BCL2: variants seen among roughly 807,000 people sequenced by gnomAD.
BCL2 encodes the protein BCL2 apoptosis regulator, also known as apoptosis regulator Bcl-2.
Under a neutral mutation model 14.2 loss-of-function variants are expected in BCL2, and 1 was observed. The ratio of observed to expected loss-of-function variants is 0.07; its 90% CI spans 0.02 to 0.33. BCL2 has a LOEUF of 0.33. BCL2 is among the 10% of genes least tolerant of loss of function. BCL2 has a pLI of 0.99. For synonymous variants in BCL2, 151 were observed against 137.2 expected (o/e 1.10, Z -0.70); for missense variants, 247 against 305.9 (o/e 0.81, Z 1.44).
chr18:63,189,189 T>TAAAAAAAAAA (rs34498028), intron 2 of BCL2, among the ~76,000 whole-genome samples: 1 of 135,366 alleles, frequency 7.4e-6, no homozygotes, highest in Non-Finnish European at 1.6e-5. Context: ...TAACAGCATA[T>TAAAAAAAAAA]AAAAAAAAAA....
intron 2 of BCL2, among the ~76,000 whole-genome samples, chr18:63,228,833 C>T (rs1031602999): frequency 2.0e-5 from 3 of 152,140 alleles, no homozygotes; most frequent in Admixed American, 1.3e-4. Context: ...CTCAGCCTCT[C>T]GAGTAGCTGG....
At chr18:63,243,393 A>G (rs1381850419) in intron 2 of BCL2, among the ~76,000 whole-genome samples, 1 of 152,208 alleles carries the variant, frequency 6.6e-6, no homozygotes, top group East Asian at 1.9e-4. Context: ...GGAGAGGATC[A>G]GGAAAAATAA....
At chr18:63,268,570 G>C (rs897251670) in intron 2 of BCL2, among the ~76,000 whole-genome samples, 3 of 152,018 alleles carry the variant, frequency 2.0e-5, no homozygotes, top group Non-Finnish European at 2.9e-5. Context: ...CCTCCTTCTG[G>C]CTCTAAAATT....
In BCL2 at chr18:63,295,224, A is replaced by G. The variant is rs116373111; in HGVS notation, c.585+22858T>C. 5.8e-3 allele frequency among the ~76,000 whole-genome samples: 887 copies of G among 151,800 alleles called. 11 individuals carry two copies. Among genetic ancestry groups the G allele is most frequent in the African/African-American group, 0.021 (865 of 41,410 alleles). ...ATTATAATTCATAGAAAGTGTAGGGACAAGGAGAACAGAGAGAACCAAGAA... is the reference window on the plus strand; with the variant it reads ...ATTATAATTCATAGAAAGTGTAGGGGCAAGGAGAACAGAGAGAACCAAGAA... On this transcript the variant is annotated intron_variant, in intron 2 of 2. Transcript: ENST00000333681.
Position 63,186,546 on chromosome 18 carries a change from G to A in BCL2, c.586-57787C>T, listed in dbSNP as rs145512783. The stretch of plus-strand genomic sequence containing the variant: ...GGCCTTTCTTTACAATTCCACTTAT[G>A]GCTGACCTTGAACCAGAATAGGTCT... On this transcript the variant is annotated intron_variant, in intron 2 of 2. Coordinates refer to ENST00000333681, the MANE Select transcript of BCL2 (RefSeq NM_000633.3). Among the ~76,000 whole-genome samples, 100 of 152,226 alleles carry A rather than the reference G, an allele frequency of 6.6e-4. 1 individual carries two copies. Among genetic ancestry groups the A allele is most frequent in the Non-Finnish European group, 1.3e-3 (86 of 68,010 alleles).
chr18:63,147,848 G>A (rs1023071543), intron 2 of BCL2, among the ~76,000 whole-genome samples: 2 of 152,062 alleles, frequency 1.3e-5, no homozygotes, highest in Non-Finnish European at 2.9e-5. Flanking sequence ...TATTCCTCGG[G>A]CAATGGAACC....
At chr18:63,196,921 C>T (rs181365300) in intron 2 of BCL2, among the ~76,000 whole-genome samples, 58 of 152,254 alleles carry the variant, frequency 3.8e-4, no homozygotes, top group African/African-American at 1.3e-3. Flanking sequence ...TCCCTCTAAC[C>T]ATGAATATGC....
intron 2 of BCL2, among the ~76,000 whole-genome samples, chr18:63,234,186 T>C (rs1395069246): frequency 6.6e-6 from 1 of 152,148 alleles, no homozygotes; most frequent in African/African-American, 2.4e-5. Context: ...TATCAACCCA[T>C]CACCTAGGTA....
intron 2 of BCL2, among the ~76,000 whole-genome samples, chr18:63,194,374 T>A (rs1909381901): frequency 6.6e-6 from 1 of 151,358 alleles, no homozygotes; most frequent in South Asian, 2.1e-4. Context: ...CACTCTATTG[T>A]CCAGGCTGGA....
rs1054609800 is a variant in BCL2, at chr18:63,286,928, C to G, written c.585+31154G>C. Among the ~76,000 whole-genome samples the G allele has an allele frequency of 2.0e-5, 3 of 152,146 alleles. No homozygotes were observed. The South Asian group carries it at 6.2e-4, about 32-fold the overall frequency. The stretch of plus-strand genomic sequence containing the variant: ...CATTCAAAAGACACCTCCTACAACA[C>G]GGGTCTGAACTACAGGTCTCCCGAG... On this transcript the variant is annotated intron_variant, in intron 2 of 2. Transcript: ENST00000333681.
chr18:63,265,306 C>T (rs1217634824), intron 2 of BCL2, among the ~76,000 whole-genome samples: 2 of 152,172 alleles, frequency 1.3e-5, no homozygotes, highest in Non-Finnish European at 2.9e-5. Context: ...ACAATAAAAA[C>T]AGCTATCAGT....
chr18:63,318,070 A>C lies in BCL2; in HGVS notation c.585+12T>G. On this transcript the variant is annotated intron_variant, in intron 2 of 2. Coordinates refer to ENST00000333681, the MANE Select transcript of BCL2 (RefSeq NM_000633.3). The surrounding 1 kb of genome is among the most constrained non-coding windows in gnomAD (Gnocchi z 7.4). ...GGCCTCAGCCCAGACTCACATCACCAAGTGCACCTACCCAGCCTCCGTTAT... is the reference window on the plus strand; with the variant it reads ...GGCCTCAGCCCAGACTCACATCACCCAGTGCACCTACCCAGCCTCCGTTAT... 6.2e-7 allele frequency: 1 copy of C among 1,613,322 alleles called. No homozygotes were observed. Among genetic ancestry groups the C allele is most frequent in the Non-Finnish European group, 8.5e-7 (1 of 1,179,712 alleles).
chr18:63,181,879 C>T (rs367927893), intron 2 of BCL2, among the ~76,000 whole-genome samples: 5 of 152,224 alleles, frequency 3.3e-5, no homozygotes, highest in East Asian at 3.9e-4. Context: ...GCCCTGCCTC[C>T]TCTTCTGAGC....
chr18:63,172,049 C>A (rs1363951703), intron 2 of BCL2, among the ~76,000 whole-genome samples: 5 of 152,170 alleles, frequency 3.3e-5, no homozygotes, highest in African/African-American at 4.8e-5. Flanking sequence ...TGTTATATAT[C>A]AGAGTTAGAT....
At chr18:63,211,612 CG>C (rs1002750280) in intron 2 of BCL2, among the ~76,000 whole-genome samples, 2 of 152,116 alleles carry the variant, frequency 1.3e-5, no homozygotes, top group Admixed American at 6.6e-5. Context: ...GGTGCATGGG[CG>C]GGGGGCTCTG....
Position 63,128,762 on chromosome 18 carries a change from G to A in BCL2, c.586-3C>T. ...CCGTACAGTTCCACAAAGGCATCCT[G>A]CAGTTGGGGGAGAGGAGGGAAGAAA... On this transcript the variant is annotated splice_polypyrimidine_tract_variant and splice_region_variant and intron_variant, in intron 2 of 2. Transcript: ENST00000333681. The A allele has an allele frequency of 1.3e-6, 1 of 779,746 alleles. No individual in the cohort carries two copies. The highest frequency in any genetic ancestry group is 2.4e-6 in the Non-Finnish European group (1 of 417,568). 48.3% of individuals were successfully genotyped at this position (779,746 alleles called of 1,614,324 possible).
chr18:63,275,087 TA>T (rs202199299), intron 2 of BCL2, among the ~76,000 whole-genome samples: 4 of 150,806 alleles, frequency 2.7e-5, no homozygotes, highest in Non-Finnish European at 5.9e-5. Flanking sequence ...TCCTTTTATA[TA>T]AAAAAAAATC....
chr18:63,281,247 G>A (rs1912299315), intron 2 of BCL2, among the ~76,000 whole-genome samples: 1 of 152,124 alleles, frequency 6.6e-6, no homozygotes, highest in Admixed American at 6.5e-5. Context: ...GTGATAAATG[G>A]TGGTGATGGA....
chr18:63,190,359 T>C (rs994944572), intron 2 of BCL2, among the ~76,000 whole-genome samples: 46 of 152,248 alleles, frequency 3.0e-4, no homozygotes, highest in African/African-American at 1.1e-3. Context: ...ATACAAATGA[T>C]AGCCCATTCT....
Sources: gnomAD v4.1 joint callset for allele counts (sites outside exome capture counted in the v4.1 genomes callset) on GRCh38, gnomAD v4.1.1 for gene constraint, Gnocchi (gnomAD v3.1) non-coding constraint, MANE v1.5 for transcripts, NCBI Gene and HGNC (gene_info 2026-07-23, HGNC 2026-07-21) for gene names.